The following ETFA variants were observed in gnomAD, a reference collection of about 807,000 sequenced individuals.
ETFA encodes electron transfer flavoprotein subunit alpha.
Under a neutral mutation model 46.2 loss-of-function variants are expected in ETFA, and 22 were observed. That is an observed-to-expected ratio of 0.48 (90% CI 0.34 to 0.68). The LOEUF (loss-of-function observed/expected upper bound fraction) is 0.68, where lower values mean the gene tolerates loss of function less well. Ranked by LOEUF, ETFA falls within the 30% of genes least tolerant of loss-of-function variation. ETFA has a pLI of 0.01. For missense variants in ETFA, 345 were observed against 401.1 expected (o/e 0.86, Z 1.19); for synonymous variants, 131 against 139.9 (o/e 0.94, Z 0.45).
Position 76,260,042 on chromosome 15 carries a change from G to C in ETFA, c.816+14370C>G, listed in dbSNP as rs760582996. On this transcript the variant is annotated intron_variant, in intron 9 of 11. Coordinates refer to ENST00000557943, the MANE Select transcript of ETFA (RefSeq NM_000126.4). ...TCTTCAATGTCACTTGAGGCAATGA[G>C]ATCAGCTTTCAGCATCTTCATAGCC... is the stretch of plus-strand genomic sequence containing the variant. 1.5e-3 allele frequency: 2,251 copies of C among 1,466,444 alleles called. 3 individuals carry two copies. The highest frequency in any genetic ancestry group is 2.0e-3 in the Non-Finnish European group (2,067 of 1,048,018). The allele number at this position is 1,466,444 out of a possible 1,614,324, so 90.8% of individuals were successfully genotyped here.
intron 1 of ETFA, among the ~76,000 whole-genome samples, chr15:76,299,521 G>A (rs370006123): frequency 6.6e-6 from 1 of 152,044 alleles, no homozygotes; most frequent in African/African-American, 2.4e-5. Context: ...GGGCTCAAAC[G>A]ATCCTCGCAC....
rs1318204020 is a variant in ETFA at position 76,259,333 on chromosome 15, G to A, written c.816+15079C>T. 2.5e-5 allele frequency: 40 copies of A among 1,594,544 alleles called. No individual in the cohort carries two copies. The South Asian group carries it at 2.9e-4, about 11-fold the overall frequency. On this transcript the variant is annotated intron_variant, in intron 9 of 11. Coordinates refer to ENST00000557943, the MANE Select transcript of ETFA (RefSeq NM_000126.4). ...ATTCGCAGACAAGTAAAGCTTGGGC[G>A]CTGCTTGGGGTCAGCACTCCAGCAC...
intron 8 of ETFA, among the ~76,000 whole-genome samples, chr15:76,276,618 T>TTA (rs2039594646): frequency 6.6e-6 from 1 of 152,054 alleles, no homozygotes; most frequent in Non-Finnish European, 1.5e-5. Context: ...CAGTTCAGGT[T>TTA]TTTTTGTTGT....
chr15:76,295,745 G>C lies in ETFA; in HGVS notation c.40-8C>G. ...AAATCGTAGCAATGAGGCCTAAAAA[G>C]AGCAAAAAGGAAAAAAAAAGGTAAA... On this transcript the variant is annotated splice_region_variant and splice_polypyrimidine_tract_variant and intron_variant, in intron 1 of 11. Coordinates refer to ENST00000557943, the MANE Select transcript of ETFA (RefSeq NM_000126.4). 3 of 1,531,936 alleles carry C rather than the reference G, an allele frequency of 2.0e-6. No homozygotes were observed. The highest frequency in any genetic ancestry group is 2.6e-6 in the Non-Finnish European group (3 of 1,132,694). The allele number at this position is 1,531,936 out of a possible 1,614,324, so 94.9% of individuals were successfully genotyped here.
At chr15:76,290,233 T>C (rs2039746488) in intron 4 of ETFA, among the ~76,000 whole-genome samples, 1 of 150,320 alleles carries the variant, frequency 6.7e-6, no homozygotes, top group Admixed American at 6.7e-5. Flanking sequence ...GTAAAGTATA[T>C]AAATGCAAAA....
chr15:76,270,925 T>C (rs1279750348), intron 9 of ETFA, among the ~76,000 whole-genome samples: 2 of 152,182 alleles, frequency 1.3e-5, no homozygotes, highest in Non-Finnish European at 2.9e-5. Flanking sequence ...ATCCCAGCAC[T>C]TTGGGAGACC....
intron 9 of ETFA, among the ~76,000 whole-genome samples, chr15:76,239,950 A>G (rs2141472208): frequency 6.6e-6 from 1 of 152,346 alleles, no homozygotes; most frequent in African/African-American, 2.4e-5. Context: ...CATGTCAATT[A>G]GAAAGCCTCT....
intron 11 of ETFA, among the ~76,000 whole-genome samples, chr15:76,220,610 A>G (rs989009697): frequency 3.3e-5 from 5 of 152,246 alleles, no homozygotes. Flanking sequence ...TCCATAATAT[A>G]TAAAGAACAC....
intron 4 of ETFA, 33 bp from the exon 5 acceptor site, chr15:76,287,978 A>G: frequency 7.9e-7 from 1 of 1,266,202 alleles, no homozygotes; most frequent in South Asian, 1.2e-5. Flanking sequence ...GTTAACACAC[A>G]TACATAGTGA....
At chr15:76,307,702 TC>T (rs1450952173) in intron 1 of ETFA, among the ~76,000 whole-genome samples, 1 of 152,052 alleles carries the variant, frequency 6.6e-6, no homozygotes, top group African/African-American at 2.4e-5. Context: ...CAGGCTGGTC[TC>T]GAACTCCTGA....
intron 10 of ETFA, 92 bp downstream of exon 10, chr15:76,231,241 T>A: frequency 1.2e-6 from 1 of 818,110 alleles, no homozygotes. Context: ...ATGGCTTGAC[T>A]ACATGCATTG....
chr15:76,248,920 TAA>T (rs1165158649), intron 9 of ETFA, among the ~76,000 whole-genome samples: 1 of 151,300 alleles, frequency 6.6e-6, no homozygotes, highest in East Asian at 1.9e-4. Context: ...AAGAAAAAGA[TAA>T]CTTAATAGAA....
chr15:76,275,042 A>T (rs976724642), intron 8 of ETFA, among the ~76,000 whole-genome samples: 3 of 152,176 alleles, frequency 2.0e-5, no homozygotes, highest in African/African-American at 7.2e-5. Flanking sequence ...GGAGCCATAG[A>T]CAATACAACT....
At chr15:76,224,317 A>G (rs1461828500) in intron 11 of ETFA, among the ~76,000 whole-genome samples, 2 of 152,276 alleles carry the variant, frequency 1.3e-5, no homozygotes, top group South Asian at 4.1e-4. Flanking sequence ...CTGAATCCCA[A>G]ATACCAAATA....
chr15:76,262,477 T>TCC (rs2039426081), intron 9 of ETFA, among the ~76,000 whole-genome samples: 1 of 74,956 alleles, frequency 1.3e-5, no homozygotes, highest in African/African-American at 3.9e-5. Context: ...AAACCCCCTT[T>TCC]TTTTTTTTTT....
At chr15:76,249,414 C>T (rs2039274396) in intron 9 of ETFA, among the ~76,000 whole-genome samples, 1 of 150,048 alleles carries the variant, frequency 6.7e-6, no homozygotes, top group Non-Finnish European at 1.5e-5. Context: ...AGGCGTGAAC[C>T]ACCACGCCCA....
chr15:76,238,274 C>G (rs932947398), intron 9 of ETFA, among the ~76,000 whole-genome samples: 1 of 152,148 alleles, frequency 6.6e-6, no homozygotes. Context: ...CTGGAGCATT[C>G]AGAGCAGAAA....
At chr15:76,290,952 A>G (rs965029497) in intron 4 of ETFA, among the ~76,000 whole-genome samples, 1 of 152,202 alleles carries the variant, frequency 6.6e-6, no homozygotes, top group African/African-American at 2.4e-5. Context: ...ACAGTGACTT[A>G]TGTCTGTAAT....
intron 9 of ETFA, among the ~76,000 whole-genome samples, chr15:76,271,057 C>T (rs1188833261): frequency 6.6e-6 from 1 of 151,448 alleles, no homozygotes; most frequent in Non-Finnish European, 1.5e-5. Context: ...GTAATCCAAG[C>T]TACTCAGGAG....
Sources: allele counts gnomAD v4.1 joint callset (sites outside exome capture counted in the v4.1 genomes callset), GRCh38; gene constraint gnomAD v4.1.1; transcripts MANE v1.5; gene names NCBI Gene and HGNC (gene_info 2026-07-23, HGNC 2026-07-21).